The following UBE2V1 variants were observed in gnomAD, a reference collection of about 807,000 sequenced individuals.
The protein encoded by UBE2V1 is ubiquitin conjugating enzyme E2 V1.
Under a neutral mutation model 19.6 loss-of-function variants are expected in UBE2V1, and 15 were observed. The observed-to-expected ratio is 0.77, with a 90% CI of 0.51 to 1.18. UBE2V1 has a LOEUF of 1.18. Among genes scored for constraint, UBE2V1 ranks in the 50% most tolerant of loss-of-function variants. The probability of loss-of-function intolerance (pLI) is 0.00; values close to 1 mark genes in which losing one functional copy is unlikely to be tolerated. For missense variants in UBE2V1, 125 were observed against 184.8 expected (o/e 0.68, Z 1.88); for synonymous variants, 60 against 60.7 (o/e 0.99, Z 0.05).
upstream of UBE2V1, chr20:50,115,065 CAAA>C (rs58162069): frequency 4.6e-5 from 6 of 129,560 alleles, no homozygotes; most frequent in South Asian, 2.5e-4. Context: ...GATTCAGTCT[CAAA>C]AAAAAAAAAA....
chr20:50,089,889 C>A (rs1360504088), intron 2 of UBE2V1, among the ~76,000 whole-genome samples: 2 of 152,012 alleles, frequency 1.3e-5, no homozygotes. Flanking sequence ...GCTTGCTGTT[C>A]CTTTAGGTAT....
intron 1 of UBE2V1, among the ~76,000 whole-genome samples, chr20:50,105,587 G>A (rs1373691696): frequency 6.6e-6 from 1 of 152,188 alleles, no homozygotes; most frequent in East Asian, 1.9e-4. Flanking sequence ...CAATATTTCT[G>A]TGTGAATCTG....
At chr20:50,113,078 G>T in intron 1 of UBE2V1, 29 bp downstream of exon 1, 2 of 1,119,624 alleles carry the variant, frequency 1.8e-6, no homozygotes, top group South Asian at 2.3e-5. Flanking sequence ...ATGCCCCCTC[G>T]GCCGGCCGGG....
At chr20:50,104,280 C>CAA (rs34011542) in intron 1 of UBE2V1, 21,451 of 824,748 alleles carry the variant, frequency 0.026, 13 homozygotes, top group African/African-American at 0.027. Flanking sequence ...GACTCCGTCT[C>CAA]AAAAAAAAAA....
At chr20:50,099,913 AT>A (rs1386608099) in intron 1 of UBE2V1, among the ~76,000 whole-genome samples, 1 of 152,188 alleles carries the variant, frequency 6.6e-6, no homozygotes, top group Non-Finnish European at 1.5e-5. Context: ...CCTGGGCAAC[AT>A]GGAGAAATCT....
In UBE2V1 at chr20:50,096,789, C is replaced by T. The variant is rs751132344; in HGVS notation, c.54G>A (p.Leu18=). ...CTTTCTGGCCTTCTTCGAGTTCTTC[C>T]AACAGTCGGAAATTGCGAGGGACTT... ...GVKVPRNFRL[L]EELEEGQKGV... is the part of the protein sequence containing the mutation. Residue 18 remains leucine, a synonymous_variant, in exon 2 of 4, where the codon TTG becomes TTA. Transcript: ENST00000371674. The T allele has an allele frequency of 6.2e-7, 1 of 1,614,016 alleles. No homozygotes were observed. Among genetic ancestry groups the T allele is most frequent in the Non-Finnish European group, 8.5e-7 (1 of 1,179,968 alleles).
chr20:50,100,040 G>A (rs1198639190), intron 1 of UBE2V1, among the ~76,000 whole-genome samples: 1 of 151,458 alleles, frequency 6.6e-6, no homozygotes, highest in Non-Finnish European at 1.5e-5. Context: ...GGAGGTTGCA[G>A]TGAGGCGAGA....
rs7273529 is a variant in UBE2V1 at position 50,090,901 on chromosome 20, C to T, written c.171+5771G>A. Reference sequence around the variant, plus strand: ...GTATATCAAATCATCACACTGTATACCTTGGATATATACAGCTTTTATTTA... The same window carrying T: ...GTATATCAAATCATCACACTGTATATCTTGGATATATACAGCTTTTATTTA... On this transcript the variant is annotated intron_variant, in intron 2 of 3. Coordinates refer to ENST00000371674, the MANE Select transcript of UBE2V1 (RefSeq NM_001032288.3). Among the ~76,000 whole-genome samples, 346 of 152,190 alleles carry T rather than the reference C, an allele frequency of 2.3e-3. 3 individuals are homozygous for T. Among genetic ancestry groups the T allele is most frequent in the African/African-American group, 7.7e-3 (321 of 41,514 alleles).
intron 2 of UBE2V1, among the ~76,000 whole-genome samples, chr20:50,087,103 C>T (rs1436678075): frequency 2.0e-5 from 3 of 151,282 alleles, no homozygotes; most frequent in African/African-American, 7.3e-5. Context: ...AAACAAAAAA[C>T]CCCAAGCTAA....
chr20:50,087,951 A>C (rs2079016455), intron 2 of UBE2V1, among the ~76,000 whole-genome samples: 1 of 152,166 alleles, frequency 6.6e-6, no homozygotes, highest in African/African-American at 2.4e-5. Flanking sequence ...ATAGCCTATA[A>C]AAGCAGACAT....
At chr20:50,108,051 G>A (rs2080503734) in intron 1 of UBE2V1, among the ~76,000 whole-genome samples, 1 of 152,228 alleles carries the variant, frequency 6.6e-6, no homozygotes, top group South Asian at 2.1e-4. Flanking sequence ...GGGCCTTGTG[G>A]GCCATGGAAA....
rs940740066 is a variant in UBE2V1, at chr20:50,111,251, T to C, written c.22+1856A>G. The C allele has an allele frequency of 1.9e-5, 19 of 985,682 alleles. No individual in the cohort carries two copies. In the Admixed American group the frequency reaches 3.7e-4, roughly 19 times the overall value. The allele number at this position is 985,682 out of a possible 1,614,324, so 61.1% of individuals were successfully genotyped here. A position where few individuals can be genotyped will look rare whatever the true frequency, so the allele number is the denominator to read the frequency against. On this transcript the variant is annotated intron_variant, in intron 1 of 3. Coordinates refer to ENST00000371674, the MANE Select transcript of UBE2V1 (RefSeq NM_001032288.3). ...GTATTCCACTAGACAGCAGCTGACA[T>C]TTTATCTGATCACCATAGCCATTTA...
chr20:50,087,145 C>T (rs1217173824), intron 2 of UBE2V1, among the ~76,000 whole-genome samples: 3 of 151,870 alleles, frequency 2.0e-5, no homozygotes, highest in Non-Finnish European at 2.9e-5. Context: ...CCTGTAATCT[C>T]GGCATCTGGG....
intron 1 of UBE2V1, among the ~76,000 whole-genome samples, chr20:50,100,286 A>T (rs1462862475): frequency 2.7e-4 from 18 of 65,580 alleles, no homozygotes; most frequent in African/African-American, 1.5e-3. Context: ...GTCTCTATTT[A>T]AAAAAAAAAA....
chr20:50,109,026 T>G, intron 1 of UBE2V1: 2 of 985,418 alleles, frequency 2.0e-6, no homozygotes, highest in Non-Finnish European at 2.4e-6. Context: ...ATGCCTGGGC[T>G]CTAGTCCGAG....
chr20:50,093,955 T>G (rs2147055554), intron 2 of UBE2V1, among the ~76,000 whole-genome samples: 1 of 117,126 alleles, frequency 8.5e-6, no homozygotes, highest in East Asian at 2.6e-4. Context: ...GCCACTGCAC[T>G]CCAGCCTGGG....
At chr20:50,105,482 A>G (rs1046509366) in intron 1 of UBE2V1, among the ~76,000 whole-genome samples, 1 of 152,234 alleles carries the variant, frequency 6.6e-6, no homozygotes, top group African/African-American at 2.4e-5. Context: ...AAAGAACAGA[A>G]GCACAACAGA....
intron 2 of UBE2V1, among the ~76,000 whole-genome samples, chr20:50,092,378 G>A (rs540875271): frequency 2.0e-5 from 3 of 152,192 alleles, no homozygotes; most frequent in East Asian, 1.9e-4. Flanking sequence ...AGTGCTCCTC[G>A]ATGAGGGCCA....
chr20:50,115,616 G>A (rs2080986263), upstream of UBE2V1: 1 of 1,403,590 alleles, frequency 7.1e-7, no homozygotes, highest in South Asian at 1.5e-5. Flanking sequence ...CAACCTCATA[G>A]GATTGCTGTG....
Sources: allele counts gnomAD v4.1 joint callset (sites outside exome capture counted in the v4.1 genomes callset), GRCh38; gene constraint gnomAD v4.1.1; transcripts MANE v1.5; gene names NCBI Gene and HGNC (gene_info 2026-07-23, HGNC 2026-07-21).